The following IQCM variants were observed in gnomAD, a reference collection of about 807,000 sequenced individuals.
IQCM encodes IQ domain-containing protein M.
IQCM carries 45 observed loss-of-function variants against 57.6 expected under a neutral mutation model. That is an observed-to-expected ratio of 0.78 (90% CI 0.62 to 1.00). The LOEUF is 1.00. Among genes scored for constraint, IQCM ranks in the 50% least tolerant of loss-of-function variants. IQCM has a pLI of 0.00. For synonymous variants in IQCM, 148 were observed against 158.9 expected, an observed-to-expected ratio of 0.93 and a Z score of 0.51; for missense variants, 468 against 511.6, an observed-to-expected ratio of 0.91 and a Z score of 0.82.
chr4:149,711,006 G>A (rs1232429444), intron 5 of IQCM: 1 of 152,130 alleles, frequency 6.6e-6, no homozygotes, highest in Non-Finnish European at 1.5e-5. Flanking sequence ...GACATCTTTG[G>A]AAGAAGCAGG....
chr4:149,708,325 C>T (rs1023604157), intron 5 of IQCM, among the ~76,000 whole-genome samples: 3 of 151,718 alleles, frequency 2.0e-5, no homozygotes, highest in African/African-American at 7.3e-5. Context: ...GAAATTGCTA[C>T]AAGAAAACAA....
chr4:149,439,132 T>C (rs1318637285), intron 12 of IQCM, among the ~76,000 whole-genome samples: 1 of 152,052 alleles, frequency 6.6e-6, no homozygotes, highest in African/African-American at 2.4e-5. Context: ...AATTGTGCTG[T>C]TGATACATAC....
intron 8 of IQCM, among the ~76,000 whole-genome samples, chr4:149,608,059 A>G (rs959793504): frequency 6.6e-6 from 1 of 151,966 alleles, no homozygotes; most frequent in Non-Finnish European, 1.5e-5. Context: ...ACATAGACTT[A>G]AAATAAAGGA....
chr4:149,542,391 T>C (rs1422226569), intron 12 of IQCM, among the ~76,000 whole-genome samples: 1 of 152,172 alleles, frequency 6.6e-6, no homozygotes, highest in Non-Finnish European at 1.5e-5. Context: ...AAGAATGTTT[T>C]AATCATCCAT....
chr4:149,601,822 G>A (rs920276193), intron 8 of IQCM, among the ~76,000 whole-genome samples: 3 of 151,930 alleles, frequency 2.0e-5, no homozygotes, highest in Admixed American at 2.0e-4. Context: ...ACTTTGAGAG[G>A]CCAAGGCAGG....
intron 7 of IQCM, among the ~76,000 whole-genome samples, chr4:149,660,180 C>T (rs1760044531): frequency 6.6e-6 from 1 of 151,412 alleles, no homozygotes; most frequent in Non-Finnish European, 1.5e-5. Context: ...AGGATATGAA[C>T]AGACACTTCT....
At chr4:149,503,015 C>A (rs1743426172) in intron 12 of IQCM, among the ~76,000 whole-genome samples, 1 of 151,834 alleles carries the variant, frequency 6.6e-6, no homozygotes, top group Non-Finnish European at 1.5e-5. Flanking sequence ...TTTTTCAAGA[C>A]CAGCCTGGGC....
At chr4:149,580,640 C>T (rs13113434) in intron 9 of IQCM, among the ~76,000 whole-genome samples, 6 of 151,678 alleles carry the variant, frequency 4.0e-5, no homozygotes, top group African/African-American at 1.4e-4. Context: ...ATTGGGTGGT[C>T]TTGGGTGATG....
rs541048793 is a variant in IQCM, at chr4:149,608,794, A to G, written c.681+12335T>C. Among the ~76,000 whole-genome samples the G allele has an allele frequency of 4.7e-4, 72 of 151,968 alleles. 1 individual carries two copies. Among genetic ancestry groups the G allele is most frequent in the African/African-American group, 1.6e-3 (65 of 41,556 alleles). On this transcript the variant is annotated intron_variant, in intron 8 of 13. Transcript: ENST00000636793. Reference sequence around the variant, plus strand: ...ATGAAATTTATAGCAATAAATGCCTATATCAAAAAAGCAGAAAACAGTCAA... The same window carrying G: ...ATGAAATTTATAGCAATAAATGCCTGTATCAAAAAAGCAGAAAACAGTCAA...
At chr4:149,447,613 TA>T (rs1484554475) in intron 12 of IQCM, among the ~76,000 whole-genome samples, 1 of 151,250 alleles carries the variant, frequency 6.6e-6, no homozygotes, top group Non-Finnish European at 1.5e-5. Flanking sequence ...GAAAAAAGAC[TA>T]AAAAAATAAA....
intron 13 of IQCM, among the ~76,000 whole-genome samples, chr4:149,374,049 G>A (rs902878194): frequency 6.6e-6 from 1 of 152,124 alleles, no homozygotes; most frequent in Non-Finnish European, 1.5e-5. Context: ...CAGCAGCAGC[G>A]GCAGCAGCAA....
At chr4:149,620,693 T>C (rs1439651574) in intron 8 of IQCM, among the ~76,000 whole-genome samples, 1 of 152,222 alleles carries the variant, frequency 6.6e-6, no homozygotes, top group Non-Finnish European at 1.5e-5. Flanking sequence ...AGAGTCTTCA[T>C]TCAGAAAACC....
intron 5 of IQCM, among the ~76,000 whole-genome samples, chr4:149,708,446 A>G (rs1353706490): frequency 6.6e-6 from 1 of 151,820 alleles, no homozygotes; most frequent in African/African-American, 2.4e-5. Context: ...GTGCCTAGAA[A>G]AAAAAAAGAC....
At chr4:149,582,178 A>G (rs1752247847) in intron 9 of IQCM, among the ~76,000 whole-genome samples, 1 of 150,308 alleles carries the variant, frequency 6.7e-6, no homozygotes, top group Non-Finnish European at 1.5e-5. Flanking sequence ...TCCTGAAGAC[A>G]TTACTTGAGT....
At chr4:149,470,633 TC>T (rs1307879691) in intron 12 of IQCM, among the ~76,000 whole-genome samples, 25 of 152,222 alleles carry the variant, frequency 1.6e-4, no homozygotes, top group African/African-American at 5.8e-4. Flanking sequence ...CTAATAGACA[TC>T]CACAAAACTC....
intron 12 of IQCM, among the ~76,000 whole-genome samples, chr4:149,442,958 AGAG>A (rs1736117445): frequency 6.4e-5 from 1 of 15,572 alleles, no homozygotes; most frequent in Admixed American, 7.7e-4. Context: ...ACACACAGAG[AGAG>A]AGAGAGAGAG....
intron 8 of IQCM, among the ~76,000 whole-genome samples, chr4:149,609,181 T>C (rs1755057765): frequency 6.6e-6 from 1 of 151,684 alleles, no homozygotes; most frequent in South Asian, 2.1e-4. Context: ...CCTACGAAGA[T>C]TGAACCATGA....
intron 2 of IQCM, among the ~76,000 whole-genome samples, chr4:149,787,573 G>A (rs1772186900): frequency 1.3e-5 from 2 of 151,952 alleles, no homozygotes; most frequent in Admixed American, 1.3e-4. Context: ...AAGATGCCAA[G>A]AACATCCATT....
intron 13 of IQCM, among the ~76,000 whole-genome samples, chr4:149,380,312 GT>G (rs1730988623): frequency 6.6e-6 from 1 of 151,958 alleles, no homozygotes; most frequent in African/African-American, 2.4e-5. Context: ...TTTATTAAAA[GT>G]AACTCTATAC....
Sources: allele counts gnomAD v4.1 joint callset (sites outside exome capture counted in the v4.1 genomes callset), GRCh38; gene constraint gnomAD v4.1.1; transcripts MANE v1.5; gene names NCBI Gene and HGNC (gene_info 2026-07-23, HGNC 2026-07-21).